The following CNTNAP5 variants were observed in gnomAD, a reference collection of about 807,000 sequenced individuals.
CNTNAP5 encodes contactin-associated protein-like 5.
Under a neutral mutation model 150.2 loss-of-function variants are expected in CNTNAP5, and 72 were observed. That is an observed-to-expected ratio of 0.48 (90% CI 0.40 to 0.58). The LOEUF (loss-of-function observed/expected upper bound fraction) is 0.58. Ranked by LOEUF, CNTNAP5 falls within the 20% of genes least tolerant of loss-of-function variation. The probability of loss-of-function intolerance (pLI) is 0.00; values close to 1 mark genes in which losing one functional copy is unlikely to be tolerated. For synonymous variants in CNTNAP5, 672 were observed against 619.8 expected, an observed-to-expected ratio of 1.08 and a Z score of -1.25; for missense variants, 1,636 against 1,626.2, an observed-to-expected ratio of 1.01 and a Z score of -0.10.
chr2:124,516,959 C>A (rs548944193), intron 8 of CNTNAP5, among the ~76,000 whole-genome samples: 7 of 152,276 alleles, frequency 4.6e-5, no homozygotes, highest in Non-Finnish European at 8.8e-5. Flanking sequence ...TGGTTCTGAG[C>A]CAAGGGAAGA....
At chr2:124,724,399 G>A (rs774736089) in intron 13 of CNTNAP5, among the ~76,000 whole-genome samples, 2 of 152,066 alleles carry the variant, frequency 1.3e-5, no homozygotes, top group South Asian at 2.1e-4. Context: ...GAACCTCCAC[G>A]TATTCAGGTG....
At chr2:124,822,207 C>A (rs1361895030) in intron 19 of CNTNAP5, among the ~76,000 whole-genome samples, 5 of 152,244 alleles carry the variant, frequency 3.3e-5, no homozygotes, top group Admixed American at 3.3e-4. Context: ...AATATTAGAA[C>A]CTTACTCCAG....
intron 10 of CNTNAP5, among the ~76,000 whole-genome samples, chr2:124,560,724 C>T (rs982703504): frequency 1.3e-5 from 2 of 152,038 alleles, no homozygotes; most frequent in Non-Finnish European, 2.9e-5. Flanking sequence ...ATAGCCAGCT[C>T]TTAGGAAGTT....
In CNTNAP5 at chr2:124,860,464, C is replaced by T. The variant is rs368973616; in HGVS notation, c.3218-4842C>T. 1.5e-3 allele frequency among the ~76,000 whole-genome samples: 87 copies of T among 57,272 alleles called. 1 individual carries two copies. Among genetic ancestry groups the T allele is most frequent in the East Asian group, 4.3e-3 (9 of 2,104 alleles). The allele number at this position is 57,272 out of a possible 152,430, so 37.6% of individuals were successfully genotyped here. ...CCTTCCTTCCTTCTTTCCTTCCTTCCTTCCTTCCTTCCTTCCTTCCTTCCT... is the reference window on the plus strand; with the variant it reads ...CCTTCCTTCCTTCTTTCCTTCCTTCTTTCCTTCCTTCCTTCCTTCCTTCCT... On this transcript the variant is annotated intron_variant, in intron 19 of 23. Transcript: ENST00000682447.
intron 3 of CNTNAP5, among the ~76,000 whole-genome samples, chr2:124,398,516 G>A (rs1055837422): frequency 1.4e-5 from 1 of 72,838 alleles, no homozygotes; most frequent in African/African-American, 3.6e-5. Flanking sequence ...TTATTTTTGA[G>A]ATGAAGTTTT....
chr2:124,855,459 C>A (rs1423022027), intron 19 of CNTNAP5, among the ~76,000 whole-genome samples: 1 of 152,096 alleles, frequency 6.6e-6, no homozygotes, highest in Admixed American at 6.6e-5. Context: ...AGGCATGAGC[C>A]ATTGTGCCCA....
At chr2:124,338,266 G>A (rs556499328) in intron 3 of CNTNAP5, among the ~76,000 whole-genome samples, 6 of 152,126 alleles carry the variant, frequency 3.9e-5, no homozygotes, top group African/African-American at 1.2e-4. Flanking sequence ...GAGATTTTGG[G>A]CTGAGACGAT....
intron 1 of CNTNAP5, among the ~76,000 whole-genome samples, chr2:124,137,299 G>A (rs1372749404): frequency 1.1e-5 from 1 of 94,494 alleles, no homozygotes; most frequent in African/African-American, 3.5e-5. Flanking sequence ...CTTTTCCTCT[G>A]TAGTTTTTTT....
rs79172662 is a variant in CNTNAP5, at chr2:124,787,358, A to T, written c.2753-2544A>T. On this transcript the variant is annotated intron_variant, in intron 17 of 23. Transcript: ENST00000682447. ...ATCTGCTTGTGTTTATAATTGATTT[A>T]TCTTGTGGTTAAAGAGATTTACTTA... is the stretch of plus-strand genomic sequence containing the variant. Among the ~76,000 whole-genome samples the T allele has an allele frequency of 4.4e-3, 670 of 152,342 alleles. 4 individuals are homozygous for T. Among genetic ancestry groups the T allele is most frequent in the African/African-American group, 0.015 (636 of 41,580 alleles).
intron 13 of CNTNAP5, among the ~76,000 whole-genome samples, chr2:124,737,309 G>T (rs1680405089): frequency 6.7e-6 from 1 of 148,256 alleles, no homozygotes; most frequent in Non-Finnish European, 1.5e-5. Context: ...AAAAAAAATT[G>T]GGAACGATAG....
chr2:124,504,159 CTTCT>C (rs1694343448), intron 7 of CNTNAP5, 129 bp from the exon 8 acceptor site: 1 of 887,354 alleles, frequency 1.1e-6, no homozygotes, highest in Non-Finnish European at 1.7e-6. Context: ...ACATTTTTTT[CTTCT>C]TTAAGATCTT....
chr2:124,100,684 A>G (rs988526102), intron 1 of CNTNAP5, among the ~76,000 whole-genome samples: 1 of 148,926 alleles, frequency 6.7e-6, no homozygotes, highest in Non-Finnish European at 1.5e-5. Flanking sequence ...TAGCCAACAT[A>G]GCAAAGCCTC....
intron 2 of CNTNAP5, among the ~76,000 whole-genome samples, chr2:124,232,921 A>G (rs1291868708): frequency 2.0e-5 from 3 of 152,144 alleles, no homozygotes; most frequent in Admixed American, 6.6e-5. Context: ...CAGATTAGGC[A>G]CATAAAGATT....
At chr2:124,358,171 T>C (rs1690076841) in intron 3 of CNTNAP5, among the ~76,000 whole-genome samples, 1 of 152,234 alleles carries the variant, frequency 6.6e-6, no homozygotes, top group Non-Finnish European at 1.5e-5. Flanking sequence ...GAGACTCTGC[T>C]GAAGTTACTT....
chr2:124,610,050 A>T, intron 12 of CNTNAP5, 130 bp downstream of exon 12: 1 of 1,046,350 alleles, frequency 9.6e-7, no homozygotes. Context: ...TTTGGGGAGG[A>T]AATGGTATTC....
At chr2:124,765,742 G>A (rs1869498) in intron 16 of CNTNAP5, among the ~76,000 whole-genome samples, 79,156 of 151,818 alleles carry the variant, frequency 0.52, 21,254 homozygotes, top group East Asian at 0.84. Flanking sequence ...GATTACTTGA[G>A]GTCAGGAGTT....
intron 11 of CNTNAP5, among the ~76,000 whole-genome samples, chr2:124,565,020 G>A (rs1695983885): frequency 6.6e-6 from 1 of 152,126 alleles, no homozygotes; most frequent in African/African-American, 2.4e-5. Flanking sequence ...GAAAGAGCAT[G>A]GTAGATGCCA....
intron 1 of CNTNAP5, among the ~76,000 whole-genome samples, chr2:124,027,187 C>G (rs1680915041): frequency 6.6e-6 from 1 of 152,216 alleles, no homozygotes; most frequent in Non-Finnish European, 1.5e-5. Flanking sequence ...TCATCTCATT[C>G]TCTTCCACCT....
chr2:124,455,134 A>C (rs934721399), intron 6 of CNTNAP5, among the ~76,000 whole-genome samples: 5 of 152,136 alleles, frequency 3.3e-5, no homozygotes. Context: ...AAGATAAATA[A>C]AATTTATAGA....
Sources: allele counts gnomAD v4.1 joint callset (sites outside exome capture counted in the v4.1 genomes callset), GRCh38; gene constraint gnomAD v4.1.1; transcripts MANE v1.5; gene names NCBI Gene and HGNC (gene_info 2026-07-23, HGNC 2026-07-21).